The following NFILZ variants were observed in gnomAD, a reference collection of about 807,000 sequenced individuals.
NFILZ encodes the protein NFIL3 like protein.
At chr19:8,633,897 TCC>T (rs1555745815) in intron 2 of NFILZ, among the ~76,000 whole-genome samples, 74 of 137,832 alleles carry the variant, frequency 5.4e-4, no homozygotes, top group Non-Finnish European at 9.7e-4. Context: ...CTTCCTTCCT[TCC>T]TTCCTTCCTT....
intron 3 of NFILZ, among the ~76,000 whole-genome samples, 126 bp from the exon 4 acceptor site, chr19:8,674,425 G>A (rs1385263080): frequency 6.6e-6 from 1 of 152,018 alleles, no homozygotes; most frequent in Non-Finnish European, 1.5e-5. Context: ...TTACAACCTG[G>A]CACAGTGAAT....
Position 8,680,415 on chromosome 19 carries a change from A to G in NFILZ, c.*2780A>G, listed in dbSNP as rs1018844813. On this transcript the variant is annotated 3_prime_UTR_variant, in exon 6 of 6. Coordinates refer to ENST00000691075, the MANE Select transcript of NFILZ (RefSeq NM_001378600.1). ...TTATTCAAGGCATGTTTTGTTGTAA[A>G]AAGTCTGAAAATCATATGCAGCCGA... Among the ~76,000 whole-genome samples, 7 of 151,980 alleles carry G rather than the reference A, an allele frequency of 4.6e-5. No homozygotes were observed. Among genetic ancestry groups the G allele is most frequent in the Non-Finnish European group, 1.0e-4 (7 of 68,016 alleles).
Position 8,647,793 on chromosome 19 carries a change from GCGCACA to G in NFILZ, c.-164+12049_-164+12054del, listed in dbSNP as rs1367032569. 4.7e-3 allele frequency among the ~76,000 whole-genome samples: 326 copies of G among 69,618 alleles called. 1 individual carries two copies. The highest frequency in any genetic ancestry group is 0.011 in the African/African-American group (187 of 17,742). 45.7% of individuals were successfully genotyped at this position (69,618 alleles called of 152,430 possible). On this transcript the variant is annotated intron_variant, in intron 3 of 5. Transcript: ENST00000691075. ...CACGCACACATGCGCGCGCGCGCGC[GCGCACA>G]CACACACACACACACACACACACAC...
rs569540903 is a variant in NFILZ, at chr19:8,675,023, G to T, written c.-114+423G>T. On this transcript the variant is annotated intron_variant, in intron 4 of 5. Transcript: ENST00000691075. ...TAAATGCTCTCCAGCTGTGAACAAG[G>T]TTGTTTTCATTCATGTGTTCATTCA... is the stretch of plus-strand genomic sequence containing the variant. Among the ~76,000 whole-genome samples, 8 of 152,234 alleles carry T rather than the reference G, an allele frequency of 5.3e-5. No homozygotes were observed. In the South Asian group the frequency reaches 1.7e-3, roughly 32 times the overall value.
intron 3 of NFILZ, among the ~76,000 whole-genome samples, chr19:8,664,232 T>A (rs369066810): frequency 6.6e-6 from 1 of 152,228 alleles, no homozygotes; most frequent in African/African-American, 2.4e-5. Context: ...CAGCCTTTGC[T>A]GCAAACCTGT....
chr19:8,664,433 A>T (rs574058106), intron 3 of NFILZ, among the ~76,000 whole-genome samples: 2 of 149,578 alleles, frequency 1.3e-5, no homozygotes, highest in East Asian at 4.1e-4. Flanking sequence ...TGGGCACGGG[A>T]GATACCAACG....
rs1198495839 is a variant in NFILZ, at chr19:8,681,119, G to C, written c.*3484G>C. Among the ~76,000 whole-genome samples the C allele has an allele frequency of 1.3e-5, 2 of 152,098 alleles. No individual in the cohort carries two copies. Among genetic ancestry groups the C allele is most frequent in the Admixed American group, 6.6e-5 (1 of 15,264 alleles). The stretch of plus-strand genomic sequence containing the variant: ...TTACCTCCATCCTGTGATGTGTGAG[G>C]CTGAGTGAAAATAAACCCACCACAT... On this transcript the variant is annotated 3_prime_UTR_variant, in exon 6 of 6. Coordinates refer to ENST00000691075, the MANE Select transcript of NFILZ (RefSeq NM_001378600.1).
At position 8,656,337 on chromosome 19, in the gene NFILZ, C is replaced by CTCT. The variant is rs2042996253; in HGVS notation, c.-163-18214_-163-18213insTCT. Among the ~76,000 whole-genome samples, 148 of 59,256 alleles carry CTCT rather than the reference C, an allele frequency of 2.5e-3. 7 individuals are homozygous for CTCT. Among genetic ancestry groups the CTCT allele is most frequent in the South Asian group, 6.6e-3 (10 of 1,516 alleles). 38.9% of individuals were successfully genotyped at this position (59,256 alleles called of 152,430 possible). On this transcript the variant is annotated intron_variant, in intron 3 of 5. Transcript: ENST00000691075. ...ACCTCCTCCCTGAAGCCCCCTTCTT[C>CTCT]CTGAAGCCCACCTCTTCCCTGAAGC...
chr19:8,647,399 T>C (rs782165276), intron 3 of NFILZ, among the ~76,000 whole-genome samples: 1 of 151,978 alleles, frequency 6.6e-6, no homozygotes, highest in Non-Finnish European at 1.5e-5. Flanking sequence ...TGGTGAAACC[T>C]TGTCTCTACT....
chr19:8,667,344 C>A (rs1555749922), intron 3 of NFILZ, among the ~76,000 whole-genome samples: 1 of 152,078 alleles, frequency 6.6e-6, no homozygotes, highest in Non-Finnish European at 1.5e-5. Flanking sequence ...AAATTCTTTA[C>A]CAGCTTTGGG....
intron 3 of NFILZ, among the ~76,000 whole-genome samples, chr19:8,637,156 G>T: frequency 6.6e-6 from 1 of 152,244 alleles, no homozygotes; most frequent in South Asian, 2.1e-4. Context: ...GATCACTTGA[G>T]CCCAGGAGTT....
At chr19:8,670,631 G>T (rs1014944821) in intron 3 of NFILZ, among the ~76,000 whole-genome samples, 6 of 152,210 alleles carry the variant, frequency 3.9e-5, no homozygotes, top group Admixed American at 1.3e-4. Flanking sequence ...GTGACTAGGA[G>T]TTCTTGCTGG....
chr19:8,662,372 A>G (rs894607671), intron 3 of NFILZ, among the ~76,000 whole-genome samples: 18 of 151,974 alleles, frequency 1.2e-4, no homozygotes, highest in Non-Finnish European at 2.5e-4. Flanking sequence ...AGGAGGTGAC[A>G]TTGGAGGAGA....
chr19:8,681,025 G>A lies in NFILZ; in HGVS notation c.*3390G>A, dbSNP rs1357254380. ...CTTTGTGGGCCAAGGTGAGGACTTT[G>A]GCTTCCTTTCTGAGTGATATGGGCA... On this transcript the variant is annotated 3_prime_UTR_variant, in exon 6 of 6. Coordinates refer to ENST00000691075, the MANE Select transcript of NFILZ (RefSeq NM_001378600.1). Among the ~76,000 whole-genome samples the A allele has an allele frequency of 6.6e-6, 1 of 151,974 alleles. No homozygotes were observed.
chr19:8,643,454 C>T (rs1214825616), intron 3 of NFILZ, among the ~76,000 whole-genome samples: 2 of 152,128 alleles, frequency 1.3e-5, no homozygotes, highest in Non-Finnish European at 2.9e-5. Context: ...AACATTATTT[C>T]TGAGTGTATC....
At chr19:8,669,709 C>T (rs2043078541) in intron 3 of NFILZ, among the ~76,000 whole-genome samples, 1 of 152,150 alleles carries the variant, frequency 6.6e-6, no homozygotes, top group South Asian at 2.1e-4. Flanking sequence ...TCCCATTGTA[C>T]CTGGATTCTG....
intron 3 of NFILZ, among the ~76,000 whole-genome samples, chr19:8,658,410 TAGGGGCACCTGGTCTCTACCCACC>T (rs1355983837): frequency 5.3e-5 from 8 of 152,000 alleles, no homozygotes; most frequent in African/African-American, 1.9e-4. Flanking sequence ...TAGAGACCAG[TAGGGGCACCTGGTCTCTACCCACC>T]AGGGGCCAGT....
intron 3 of NFILZ, among the ~76,000 whole-genome samples, chr19:8,659,301 C>T (rs1170175823): frequency 6.6e-6 from 1 of 151,940 alleles, no homozygotes; most frequent in African/African-American, 2.4e-5. Context: ...AATAATTACA[C>T]AGATACCTGT....
At position 8,679,269 on chromosome 19, in the gene NFILZ, CATTATTATT is replaced by C. The variant is rs55926423; in HGVS notation, c.*1663_*1671del. 0.21 allele frequency among the ~76,000 whole-genome samples: 29,882 copies of C among 145,738 alleles called. 3,238 individuals carry two copies. The highest frequency in any genetic ancestry group is 0.33 in the South Asian group (1,512 of 4,564). ...TCAGTTTCTCACTCAGCCCCTCTCC[CATTATTATT>C]ATTATTATTATTATTATTATTATTA... On this transcript the variant is annotated 3_prime_UTR_variant, in exon 6 of 6. Transcript: ENST00000691075.
Sources: allele counts gnomAD v4.1 joint callset (sites outside exome capture counted in the v4.1 genomes callset), GRCh38; gene constraint gnomAD v4.1.1; transcripts MANE v1.5; gene names NCBI Gene and HGNC (gene_info 2026-07-23, HGNC 2026-07-21).